ZBTB7C: variants seen among roughly 807,000 people sequenced by gnomAD.
ZBTB7C encodes zinc finger and BTB domain-containing protein 7C.
ZBTB7C carries 8 observed loss-of-function variants against 25.7 expected under a neutral mutation model. The observed-to-expected ratio is 0.31, with a 90% CI of 0.18 to 0.56. ZBTB7C has a LOEUF of 0.56. Among genes scored for constraint, ZBTB7C ranks in the 20% least tolerant of loss-of-function variants. The pLI is 0.91. For missense variants in ZBTB7C, 824 were observed against 855.2 expected, an observed-to-expected ratio of 0.96 and a Z score of 0.46; for synonymous variants, 394 against 369.0, an observed-to-expected ratio of 1.07 and a Z score of -0.78.
At chr18:48,330,441 A>C (rs1401374547) in intron 2 of ZBTB7C, among the ~76,000 whole-genome samples, 2 of 152,088 alleles carry the variant, frequency 1.3e-5, no homozygotes, top group African/African-American at 2.4e-5. Context: ...CTCTGCACCC[A>C]AGAAACCGGG....
At chr18:48,114,788 TAGAA>T (rs2039371505) in intron 3 of ZBTB7C, among the ~76,000 whole-genome samples, 1 of 152,200 alleles carries the variant, frequency 6.6e-6, no homozygotes, top group South Asian at 2.1e-4. Context: ...GGATGAATCG[TAGAA>T]ACCTAGCATT....
chr18:48,243,958 A>T (rs9952729), intron 2 of ZBTB7C, among the ~76,000 whole-genome samples: 11,193 of 152,306 alleles, frequency 0.073, 516 homozygotes, highest in South Asian at 0.12. Flanking sequence ...ATGCTGAGAT[A>T]ATTGGCAAGC....
chr18:48,152,829 CT>C (rs1393993265), intron 3 of ZBTB7C, among the ~76,000 whole-genome samples: 1 of 152,256 alleles, frequency 6.6e-6, no homozygotes, highest in Non-Finnish European at 1.5e-5. Flanking sequence ...GTGTCAGGCA[CT>C]GTGCTAAGCG....
chr18:48,280,704 G>A (rs2044815607), intron 2 of ZBTB7C, among the ~76,000 whole-genome samples: 1 of 152,036 alleles, frequency 6.6e-6, no homozygotes, highest in Non-Finnish European at 1.5e-5. Context: ...CGGAGCCAGA[G>A]TCCCCAGCAA....
chr18:48,345,323 G>T (rs895126316), intron 1 of ZBTB7C, among the ~76,000 whole-genome samples: 2 of 152,202 alleles, frequency 1.3e-5, no homozygotes, highest in Non-Finnish European at 2.9e-5. Context: ...GCTGGTTCCT[G>T]CAGGATTACT....
chr18:48,125,503 T>C (rs1310515225), intron 3 of ZBTB7C, among the ~76,000 whole-genome samples: 7 of 152,228 alleles, frequency 4.6e-5, no homozygotes, highest in African/African-American at 1.4e-4. Context: ...CTCTGTGCCA[T>C]GGTGTAAATG....
intron 1 of ZBTB7C, among the ~76,000 whole-genome samples, chr18:48,351,601 C>T (rs1028204868): frequency 3.9e-5 from 6 of 152,206 alleles, no homozygotes; most frequent in African/African-American, 4.8e-5. Flanking sequence ...AGAAAAACGC[C>T]GTTTTCCTGC....
chr18:48,141,154 C>CG (rs1394406642), intron 3 of ZBTB7C, among the ~76,000 whole-genome samples: 3 of 146,742 alleles, frequency 2.0e-5, no homozygotes, highest in Non-Finnish European at 4.5e-5. Context: ...CCACCCCCCC[C>CG]ACTGTTCCTT....
At chr18:48,272,336 G>A (rs1012229740) in intron 2 of ZBTB7C, among the ~76,000 whole-genome samples, 1 of 152,198 alleles carries the variant, frequency 6.6e-6, no homozygotes, top group Non-Finnish European at 1.5e-5. Context: ...TTAGACACTA[G>A]AGCTTCTGGT....
At chr18:48,213,545 T>C (rs909843678) in intron 2 of ZBTB7C, among the ~76,000 whole-genome samples, 1 of 152,236 alleles carries the variant, frequency 6.6e-6, no homozygotes, top group East Asian at 1.9e-4. Flanking sequence ...GTTATCAGAA[T>C]ACCTCGCCTT....
chr18:48,164,475 T>C (rs1339403537), intron 3 of ZBTB7C, among the ~76,000 whole-genome samples: 1 of 152,196 alleles, frequency 6.6e-6, no homozygotes. Context: ...CACATACATA[T>C]GTATACACAA....
At chr18:48,382,140 T>G (rs2047646766) in intron 1 of ZBTB7C, among the ~76,000 whole-genome samples, 1 of 152,162 alleles carries the variant, frequency 6.6e-6, no homozygotes, top group Non-Finnish European at 1.5e-5. Context: ...CTTCCACTAG[T>G]AGGAAGCCAA....
At chr18:48,241,740 T>A (rs1219851733) in intron 2 of ZBTB7C, among the ~76,000 whole-genome samples, 1 of 152,106 alleles carries the variant, frequency 6.6e-6, no homozygotes, top group African/African-American at 2.4e-5. Context: ...ATTAAATGCC[T>A]ACGTCAAAAA....
chr18:48,202,183 T>C (rs2042466241), intron 2 of ZBTB7C, among the ~76,000 whole-genome samples: 2 of 152,234 alleles, frequency 1.3e-5, no homozygotes, highest in African/African-American at 2.4e-5. Context: ...GTGCAGGGGC[T>C]GGGAGGAGGC....
chr18:48,403,781 TACTC>T (rs1237213975), intron 1 of ZBTB7C, among the ~76,000 whole-genome samples: 8 of 152,156 alleles, frequency 5.3e-5, no homozygotes, highest in Admixed American at 5.2e-4. Flanking sequence ...CTAAAGAACT[TACTC>T]ATGTAACCAA....
At chr18:48,171,811 A>G (rs957024063) in intron 3 of ZBTB7C, among the ~76,000 whole-genome samples, 1 of 152,250 alleles carries the variant, frequency 6.6e-6, no homozygotes, top group Non-Finnish European at 1.5e-5. Flanking sequence ...GGTAGATACC[A>G]TCATCCTATT....
intron 2 of ZBTB7C, among the ~76,000 whole-genome samples, chr18:48,287,524 T>A (rs1451120175): frequency 6.6e-6 from 1 of 152,138 alleles, no homozygotes; most frequent in African/African-American, 2.4e-5. Flanking sequence ...TTATATATAA[T>A]CTTCCTAGAG....
chr18:48,345,768 T>G (rs1568389223), intron 1 of ZBTB7C, among the ~76,000 whole-genome samples: 1 of 152,216 alleles, frequency 6.6e-6, no homozygotes, highest in Non-Finnish European at 1.5e-5. Context: ...CCAGCCCTGC[T>G]GCCCAGTTCC....
At chr18:48,142,886 C>T (rs1472812173) in intron 3 of ZBTB7C, among the ~76,000 whole-genome samples, 1 of 152,120 alleles carries the variant, frequency 6.6e-6, no homozygotes, top group African/African-American at 2.4e-5. Context: ...TTTTGCTCCT[C>T]TCTCCCTTCC....
Sources: allele counts gnomAD v4.1 joint callset (sites outside exome capture counted in the v4.1 genomes callset), GRCh38; gene constraint gnomAD v4.1.1; transcripts MANE v1.5; gene names NCBI Gene and HGNC (gene_info 2026-07-23, HGNC 2026-07-21).